Variants in TMCC3 observed in about 807,000 individuals in gnomAD.
The protein encoded by TMCC3 is transmembrane and coiled-coil domain family 3, also known as transmembrane and coiled-coil domain protein 3.
A neutral mutation model predicts 40.2 loss-of-function variants in TMCC3; 28 were observed. The ratio of observed to expected loss-of-function variants is 0.70; its 90% CI spans 0.52 to 0.95. TMCC3 has a LOEUF of 0.95. Ranked by LOEUF, TMCC3 falls within the 40% of genes least tolerant of loss-of-function variation. The pLI is 0.00. For synonymous variants in TMCC3, 255 were observed against 248.5 expected, an observed-to-expected ratio of 1.03 and a Z score of -0.25; for missense variants, 554 against 615.2, an observed-to-expected ratio of 0.90 and a Z score of 1.05.
Position 94,570,975 on chromosome 12 carries a change from CACA to C in TMCC3, c.*457_*459del. On this transcript the variant is annotated 3_prime_UTR_variant, in exon 4 of 4. Coordinates refer to ENST00000261226, the MANE Select transcript of TMCC3 (RefSeq NM_020698.4). ...GGTGGATCACACGGGGACCATAGGCCACAGTGTTTAACACTGCCCAAGCCTGTG... is the reference window on the plus strand; with the variant it reads ...GGTGGATCACACGGGGACCATAGGCCGTGTTTAACACTGCCCAAGCCTGTG... 5.6e-6 allele frequency: 1 copy of C among 178,058 alleles called. No homozygotes were observed. The highest frequency in any genetic ancestry group is 1.2e-5 in the Non-Finnish European group (1 of 83,320). The allele number at this position is 178,058 out of a possible 1,614,324, so 11.0% of individuals were successfully genotyped here.
chr12:94,575,327 G>T (rs1383303077), intron 3 of TMCC3, among the ~76,000 whole-genome samples: 4 of 152,056 alleles, frequency 2.6e-5, no homozygotes, highest in Non-Finnish European at 4.4e-5. Context: ...TTTTTTGACT[G>T]TTTACTATGT....
chr12:94,588,844 G>C (rs1433996285), intron 1 of TMCC3, among the ~76,000 whole-genome samples: 1 of 93,994 alleles, frequency 1.1e-5, no homozygotes, highest in Non-Finnish European at 2.1e-5. Flanking sequence ...TTTTTTTTTT[G>C]AGACAGTCTC....
chr12:94,580,268 G>A (rs1342007542), intron 2 of TMCC3, among the ~76,000 whole-genome samples: 2 of 152,120 alleles, frequency 1.3e-5, no homozygotes, highest in South Asian at 2.1e-4. Context: ...TACACACTTT[G>A]TGTTAATAAG....
chr12:94,600,617 G>A (rs1489095578), intron 1 of TMCC3, among the ~76,000 whole-genome samples: 1 of 152,038 alleles, frequency 6.6e-6, no homozygotes, highest in African/African-American at 2.4e-5. Context: ...CAGCACTGTG[G>A]TACATGAACA....
Position 94,605,331 on chromosome 12 carries a change from T to A in TMCC3, c.79-22793A>T, listed in dbSNP as rs140552146. Among the ~76,000 whole-genome samples, 28 of 152,328 alleles carry A rather than the reference T, an allele frequency of 1.8e-4. No homozygotes were observed. The East Asian group carries it at 4.6e-3, about 25-fold the overall frequency. ...ACTGTTTAGGTTCTTATTAATTTTTTAAAAATACAGCACTGTGACTATACT... is the reference window on the plus strand; with the variant it reads ...ACTGTTTAGGTTCTTATTAATTTTTAAAAAATACAGCACTGTGACTATACT... On this transcript the variant is annotated intron_variant, in intron 1 of 3. Coordinates refer to ENST00000261226, the MANE Select transcript of TMCC3 (RefSeq NM_020698.4).
At chr12:94,636,920 C>T (rs76252412) in intron 1 of TMCC3, among the ~76,000 whole-genome samples, 3,331 of 152,266 alleles carry the variant, frequency 0.022, 108 homozygotes, top group African/African-American at 0.076. Flanking sequence ...TGATGACACA[C>T]TTGGCAGATG....
At chr12:94,617,600 A>G (rs909955136) in intron 1 of TMCC3, among the ~76,000 whole-genome samples, 4 of 152,314 alleles carry the variant, frequency 2.6e-5, no homozygotes, top group Non-Finnish European at 5.9e-5. Flanking sequence ...ATCCCTTTTG[A>G]CCATATTTGT....
At chr12:94,644,946 T>A (rs2069009996) in intron 1 of TMCC3, among the ~76,000 whole-genome samples, 1 of 152,240 alleles carries the variant, frequency 6.6e-6, no homozygotes, top group African/African-American at 2.4e-5. Context: ...CAGGTGGCAC[T>A]CACGCTTGAC....
At chr12:94,633,613 G>T (rs2068944965) in intron 1 of TMCC3, among the ~76,000 whole-genome samples, 1 of 152,054 alleles carries the variant, frequency 6.6e-6, no homozygotes, top group South Asian at 2.1e-4. Flanking sequence ...TATAATTTTG[G>T]AATCTGATGT....
At chr12:94,594,062 A>G (rs1566320987) in intron 1 of TMCC3, among the ~76,000 whole-genome samples, 1 of 152,174 alleles carries the variant, frequency 6.6e-6, no homozygotes, top group African/African-American at 2.4e-5. Flanking sequence ...GCAACTTCTA[A>G]GAGGAGCAGG....
At chr12:94,608,255 G>A (rs1316947744) in intron 1 of TMCC3, among the ~76,000 whole-genome samples, 2 of 152,146 alleles carry the variant, frequency 1.3e-5, no homozygotes, top group Admixed American at 6.5e-5. Context: ...ACAGATTTGG[G>A]TAACATCATT....
At chr12:94,611,407 C>A (rs956182365) in intron 1 of TMCC3, among the ~76,000 whole-genome samples, 1 of 152,094 alleles carries the variant, frequency 6.6e-6, no homozygotes, top group African/African-American at 2.4e-5. Context: ...GGGACCAATG[C>A]CACTGAAATA....
Position 94,581,817 on chromosome 12 carries a change from C to T in TMCC3, c.800G>A (p.Ser267Asn), listed in dbSNP as rs1194979349. 5 of 1,614,000 alleles carry T rather than the reference C, an allele frequency of 3.1e-6. No individual in the cohort carries two copies. Among genetic ancestry groups the T allele is most frequent in the Non-Finnish European group, 3.4e-6 (4 of 1,179,950 alleles). The change falls in exon 2 of 4, where the codon AGT (serine) becomes AAT (asparagine). Residue 267 changes from serine to asparagine, a missense_variant. By Grantham distance (46) the Ser-to-Asn change is conservative. Transcript: ENST00000261226. ...CSSGTSGSAD[S>N]NGNQSFGAGG... ...AGCCCCAAACGACTGGTTTCCGTTACTGTCGGCCGAGCCTGACGTGCCACT... is the reference window on the plus strand; with the variant it reads ...AGCCCCAAACGACTGGTTTCCGTTATTGTCGGCCGAGCCTGACGTGCCACT...
chr12:94,588,224 T>C (rs536720051), intron 1 of TMCC3, among the ~76,000 whole-genome samples: 1 of 152,160 alleles, frequency 6.6e-6, no homozygotes, highest in Non-Finnish European at 1.5e-5. Flanking sequence ...CAGGACACTC[T>C]GTATTAACCC....
chr12:94,646,431 CTTTTTTT>C (rs34398994), intron 1 of TMCC3, among the ~76,000 whole-genome samples: 1 of 90,730 alleles, frequency 1.1e-5, no homozygotes, highest in Non-Finnish European at 2.0e-5. Context: ...AAGCACACAC[CTTTTTTT>C]TTTTTTTTTT....
At chr12:94,623,049 C>T (rs116717280) in intron 1 of TMCC3, among the ~76,000 whole-genome samples, 1 of 151,986 alleles carries the variant, frequency 6.6e-6, no homozygotes. Flanking sequence ...TCTAGGCAAG[C>T]TTTCTGAAAT....
At position 94,585,575 on chromosome 12, in the gene TMCC3, T is replaced by C. The variant is rs370566752; in HGVS notation, c.79-3037A>G. 2.5e-4 allele frequency among the ~76,000 whole-genome samples: 38 copies of C among 152,224 alleles called. 2 individuals carry two copies. Among genetic ancestry groups the C allele is most frequent in the Middle Eastern group, 6.8e-3 (2 of 294 alleles). The stretch of plus-strand genomic sequence containing the variant: ...AGCCAGGCATGGTGGCACGTGCCTG[T>C]AGTCCCAGCTACCCGGGAGGCTGAG... On this transcript the variant is annotated intron_variant, in intron 1 of 3. Transcript: ENST00000261226.
chr12:94,626,611 T>A (rs538913509), intron 1 of TMCC3, among the ~76,000 whole-genome samples: 3 of 152,328 alleles, frequency 2.0e-5, no homozygotes, highest in Admixed American at 1.3e-4. Context: ...TCCTTCCATT[T>A]CTCTACCCAT....
chr12:94,584,954 C>T (rs2138829892), intron 1 of TMCC3, among the ~76,000 whole-genome samples: 1 of 151,940 alleles, frequency 6.6e-6, no homozygotes, highest in Middle Eastern at 3.4e-3. Context: ...GTATCTGTGG[C>T]TCATTAGTGG....
Sources: allele counts gnomAD v4.1 joint callset (sites outside exome capture counted in the v4.1 genomes callset), GRCh38; gene constraint gnomAD v4.1.1; transcripts MANE v1.5; gene names NCBI Gene and HGNC (gene_info 2026-07-23, HGNC 2026-07-21).